HAS3: variants seen among roughly 807,000 people sequenced by gnomAD.
HAS3 encodes the protein HA synthase 3.
In HAS3, 27 loss-of-function variants were observed where a neutral mutation model predicts 50.3. The ratio of observed to expected loss-of-function variants is 0.54; its 90% CI spans 0.40 to 0.74. The LOEUF is 0.74. Among genes scored for constraint, HAS3 ranks in the 30% least tolerant of loss-of-function variants. HAS3 has a pLI of 0.00. For missense variants in HAS3, 517 were observed against 742.8 expected, an observed-to-expected ratio of 0.70 and a Z score of 3.53; for synonymous variants, 339 against 310.9, an observed-to-expected ratio of 1.09 and a Z score of -0.95.
upstream of HAS3, among the ~76,000 whole-genome samples, chr16:69,103,003 ATGTGTGTGTGTGTG>A (rs35175934): frequency 0.034 from 4,675 of 138,768 alleles, 101 homozygotes; most frequent in Non-Finnish European, 0.043. Context: ...TGGAGTGTGC[ATGTGTGTGTGTGTG>A]TGTGTGTGTG....
rs1228857575 is a variant in HAS3 at position 69,106,326 on chromosome 16, G to A, written c.-1+539G>A. 2 of 147,866 alleles carry A rather than the reference G, an allele frequency of 1.4e-5. No individual in the cohort carries two copies. Among genetic ancestry groups the A allele is most frequent in the Middle Eastern group, 3.4e-3 (1 of 290 alleles). The allele number at this position is 147,866 out of a possible 1,614,324, so 9.2% of individuals were successfully genotyped here. A position where few individuals can be genotyped will look rare whatever the true frequency, so the allele number is the denominator to read the frequency against. ...GGCAGCCGGCGGCACGGTGAGCGCGGGCCGGCCGGCACCCAGGAGGGGAGG... is the reference window on the plus strand; with the variant it reads ...GGCAGCCGGCGGCACGGTGAGCGCGAGCCGGCCGGCACCCAGGAGGGGAGG... On this transcript the variant is annotated intron_variant, in intron 1 of 3. Coordinates refer to ENST00000569188, the MANE Select transcript of HAS3 (RefSeq NM_001199280.2). The surrounding 1 kb of genome is among the most constrained non-coding windows in gnomAD (Gnocchi z 5.5).
the HAS3 span, among the ~76,000 whole-genome samples, chr16:69,099,856 G>GA: frequency 6.6e-6 from 1 of 151,230 alleles, no homozygotes; most frequent in African/African-American, 2.4e-5. Context: ...GGGAGGGAGA[G>GA]AAAAGAAAGA....
chr16:69,086,522 ATGTGTGTGTGTGTGTG>A, the HAS3 span, among the ~76,000 whole-genome samples: 24 of 138,420 alleles, frequency 1.7e-4, no homozygotes, highest in Admixed American at 4.4e-4. Flanking sequence ...TTTCTATATT[ATGTGTGTGTGTGTGTG>A]TGTGTGTGTG....
the HAS3 span, among the ~76,000 whole-genome samples, chr16:69,093,177 A>G: frequency 6.6e-6 from 1 of 152,156 alleles, no homozygotes; most frequent in Non-Finnish European, 1.5e-5. Flanking sequence ...CAATTTTCAG[A>G]TACCATTCTC....
At position 69,116,283 on chromosome 16, in the gene HAS3, G is replaced by C. The variant is rs999766383; in HGVS notation, c.*1017G>C. 3 of 985,618 alleles carry C rather than the reference G, an allele frequency of 3.0e-6. No homozygotes were observed. In the African/African-American group the frequency reaches 5.2e-5, roughly 17 times the overall value. The allele number at this position is 985,618 out of a possible 1,614,324, so 61.1% of individuals were successfully genotyped here. On this transcript the variant is annotated 3_prime_UTR_variant, in exon 4 of 4. Coordinates refer to ENST00000569188, the MANE Select transcript of HAS3 (RefSeq NM_001199280.2). ...AGGTAAGGTTTTCAAGGTGGCAATT[G>C]GGGCGGAGCCCCGGCTCTTATAGAA...
upstream of HAS3, among the ~76,000 whole-genome samples, chr16:69,103,465 G>C (rs375869614): frequency 2.0e-5 from 3 of 152,164 alleles, no homozygotes; most frequent in Non-Finnish European, 4.4e-5. Context: ...GCACGATCTC[G>C]GCTCACTGCA....
At position 69,116,584 on chromosome 16, in the gene HAS3, A is replaced by T. The variant is rs1440156302; in HGVS notation, c.*1318A>T. ...TTCTTACAGCCAAGTTGTGACAGTC[A>T]CTGCATTTGCCTGCTTCTTTCCAGA... is the stretch of plus-strand genomic sequence containing the variant. On this transcript the variant is annotated 3_prime_UTR_variant, in exon 4 of 4. Transcript: ENST00000569188. 1.0e-6 allele frequency: 1 copy of T among 985,560 alleles called. No individual in the cohort carries two copies. The highest frequency in any genetic ancestry group is 6.2e-5 in the Admixed American group (1 of 16,258). The allele number at this position is 985,560 out of a possible 1,614,324, so 61.1% of individuals were successfully genotyped here.
In HAS3 at chr16:69,116,063, C is replaced by T. The variant is rs965505629; in HGVS notation, c.*797C>T. ...GTTCTTAGCTTGTCTGTGATCTCTG[C>T]TGGGGAGATAAAAAGATTAAGCCCC... On this transcript the variant is annotated 3_prime_UTR_variant, in exon 4 of 4. Coordinates refer to ENST00000569188, the MANE Select transcript of HAS3 (RefSeq NM_001199280.2). The T allele has an allele frequency of 6.1e-6, 6 of 985,396 alleles. No individual in the cohort carries two copies. The highest frequency in any genetic ancestry group is 6.1e-5 in the Admixed American group (1 of 16,264). The allele number at this position is 985,396 out of a possible 1,614,324, so 61.0% of individuals were successfully genotyped here.
chr16:69,111,779 G>A (rs1033221539), intron 2 of HAS3, among the ~76,000 whole-genome samples: 2 of 152,166 alleles, frequency 1.3e-5, no homozygotes, highest in Non-Finnish European at 2.9e-5. Context: ...GGACCCAAAT[G>A]CTTAGGGAAA....
chr16:69,096,683 T>TCTCGGCTCA, the HAS3 span, among the ~76,000 whole-genome samples: 4 of 133,294 alleles, frequency 3.0e-5, no homozygotes, highest in Admixed American at 8.0e-5. Context: ...AGTGGCGCCA[T>TCTCGGCTCA]CTCGGCTCAC....
chr16:69,087,102 C>G, the HAS3 span, among the ~76,000 whole-genome samples: 86 of 152,258 alleles, frequency 5.6e-4, no homozygotes, highest in East Asian at 8.5e-3. Flanking sequence ...TGGCCCCTCA[C>G]CTTCGGCGTC....
At chr16:69,108,536 G>C (rs537645051) in intron 1 of HAS3, among the ~76,000 whole-genome samples, 33 of 152,188 alleles carry the variant, frequency 2.2e-4, no homozygotes, top group Admixed American at 6.5e-4. Flanking sequence ...TGGCTGGGCA[G>C]GGGGACACGC....
the HAS3 span, among the ~76,000 whole-genome samples, chr16:69,090,020 G>A: frequency 1.3e-5 from 2 of 152,156 alleles, no homozygotes; most frequent in Non-Finnish European, 2.9e-5. Context: ...AAGTCTGCTG[G>A]GTCGCAGCCA....
intron 2 of HAS3, among the ~76,000 whole-genome samples, chr16:69,112,601 A>C (rs547508933): frequency 6.6e-6 from 1 of 152,354 alleles, no homozygotes; most frequent in Admixed American, 6.5e-5. Flanking sequence ...AACAGTGACC[A>C]CAGAGTAAAT....
chr16:69,110,812 A>G (rs111270884), intron 2 of HAS3, among the ~76,000 whole-genome samples: 2 of 152,272 alleles, frequency 1.3e-5, no homozygotes, highest in African/African-American at 4.8e-5. Context: ...ACCTCTTCAT[A>G]AGAAAGCGTG....
At chr16:69,103,573 T>C (rs1383344697), upstream of HAS3, among the ~76,000 whole-genome samples, 1 of 152,022 alleles carries the variant, frequency 6.6e-6, no homozygotes, top group Admixed American at 6.6e-5. Context: ...TTTTTTGTAT[T>C]TTTAGTAGAG....
intron 2 of HAS3, among the ~76,000 whole-genome samples, chr16:69,112,029 C>T (rs1363778002): frequency 3.3e-5 from 5 of 152,274 alleles, no homozygotes; most frequent in East Asian, 3.8e-4. Context: ...GTCTTCTAAC[C>T]GCCTGCTGCG....
chr16:69,098,662 AT>A, the HAS3 span, among the ~76,000 whole-genome samples: 2,168 of 98,148 alleles, frequency 0.022, 10 homozygotes, highest in Non-Finnish European at 0.029. Flanking sequence ...ATCAAACCTG[AT>A]TTTTTTTTTT....
Position 69,116,270 on chromosome 16 carries a change from C to G in HAS3, c.*1004C>G. On this transcript the variant is annotated 3_prime_UTR_variant, in exon 4 of 4. Transcript: ENST00000569188. Reference sequence around the variant, plus strand: ...CCCTCATCATCATAGGTAAGGTTTTCAAGGTGGCAATTGGGGCGGAGCCCC... The same window carrying G: ...CCCTCATCATCATAGGTAAGGTTTTGAAGGTGGCAATTGGGGCGGAGCCCC... 1.0e-6 allele frequency: 1 copy of G among 985,706 alleles called. No individual in the cohort carries two copies. Among genetic ancestry groups the G allele is most frequent in the Non-Finnish European group, 1.2e-6 (1 of 829,932 alleles). 61.1% of individuals were successfully genotyped at this position (985,706 alleles called of 1,614,324 possible).
Sources: gnomAD v4.1 joint callset for allele counts (sites outside exome capture counted in the v4.1 genomes callset) on GRCh38, gnomAD v4.1.1 for gene constraint, Gnocchi (gnomAD v3.1) non-coding constraint, MANE v1.5 for transcripts, NCBI Gene and HGNC (gene_info 2026-07-23, HGNC 2026-07-21) for gene names.